DEPDC1B: variants seen among roughly 807,000 people sequenced by gnomAD.
DEPDC1B encodes DEP domain-containing protein 1B.
In DEPDC1B, 51 loss-of-function variants were observed where a neutral mutation model predicts 66.5. The observed-to-expected ratio is 0.77, with a 90% CI of 0.61 to 0.97. The LOEUF is 0.97. Among genes scored for constraint, DEPDC1B ranks in the 50% least tolerant of loss-of-function variants. The probability of loss-of-function intolerance (pLI) is 0.00; values close to 1 mark genes in which losing one functional copy is unlikely to be tolerated. For missense variants in DEPDC1B, 552 were observed against 637.1 expected, an observed-to-expected ratio of 0.87 and a Z score of 1.44; for synonymous variants, 226 against 223.6, an observed-to-expected ratio of 1.01 and a Z score of -0.10.
chr5:60,695,084 TA>T (rs573134243), intron 1 of DEPDC1B, among the ~76,000 whole-genome samples: 107 of 152,350 alleles, frequency 7.0e-4, no homozygotes, highest in African/African-American at 2.5e-3. Context: ...GTATGTTTTT[TA>T]ATATGTAAAC....
At position 60,615,406 on chromosome 5, in the gene DEPDC1B, G is replaced by A. The variant is rs983894265; in HGVS notation, c.899-9550C>T. Among the ~76,000 whole-genome samples, 7 of 152,308 alleles carry A rather than the reference G, an allele frequency of 4.6e-5. 1 individual carries two copies. The highest frequency in any genetic ancestry group is 6.8e-3 in the Middle Eastern group (2 of 294). On this transcript the variant is annotated intron_variant, in intron 7 of 10. Coordinates refer to ENST00000265036, the MANE Select transcript of DEPDC1B (RefSeq NM_018369.3). ...GAATTCCCTTTCCTAGTCAAAGAAA[G>A]GGGTGACAGACGGCACCTGGAAAAT...
intron 2 of DEPDC1B, among the ~76,000 whole-genome samples, chr5:60,649,642 G>A (rs1753396947): frequency 6.6e-6 from 1 of 152,074 alleles, no homozygotes; most frequent in African/African-American, 2.4e-5. Flanking sequence ...CTCAAAAGAG[G>A]AAAGCAACTA....
intron 2 of DEPDC1B, 163 bp from the exon 3 acceptor site, chr5:60,647,696 A>T: frequency 5.2e-6 from 3 of 576,830 alleles, no homozygotes; most frequent in South Asian, 4.1e-5. Context: ...TCTATACCAT[A>T]CCTGATAAAG....
chr5:60,617,399 C>T (rs995883302), intron 7 of DEPDC1B, among the ~76,000 whole-genome samples: 1 of 152,140 alleles, frequency 6.6e-6, no homozygotes, highest in Non-Finnish European at 1.5e-5. Flanking sequence ...ACCCATCTCA[C>T]ATGCAGAGAC....
rs1754739621 is a variant in DEPDC1B at position 60,699,689 on chromosome 5, G to A, written c.48+357C>T. Among the ~76,000 whole-genome samples, 5 of 152,276 alleles carry A rather than the reference G, an allele frequency of 3.3e-5. No homozygotes were observed. The South Asian group carries it at 1.0e-3, about 32-fold the overall frequency. On this transcript the variant is annotated intron_variant, in intron 1 of 10. Coordinates refer to ENST00000265036, the MANE Select transcript of DEPDC1B (RefSeq NM_018369.3). ...ACTGCCGCGAACGCTGAGCGTTACG[G>A]GGTACGTGGTGGCCCCTCAGGTTAC...
chr5:60,643,757 T>C (rs1753244559), intron 5 of DEPDC1B, among the ~76,000 whole-genome samples: 1 of 152,232 alleles, frequency 6.6e-6, no homozygotes, highest in African/African-American at 2.4e-5. Context: ...ATTTTATATG[T>C]TGATATTAAC....
intron 2 of DEPDC1B, among the ~76,000 whole-genome samples, chr5:60,676,152 G>C (rs1024979575): frequency 1.3e-5 from 2 of 151,416 alleles, no homozygotes; most frequent in Non-Finnish European, 2.9e-5. Context: ...GGATGGTCTC[G>C]ATCTCCTGAC....
At chr5:60,688,952 AACTC>A (rs1347936479) in intron 1 of DEPDC1B, 1 of 451,876 alleles carries the variant, frequency 2.2e-6, no homozygotes. Context: ...AGTACATACT[AACTC>A]ACTGTAATAC....
chr5:60,678,862 T>A (rs1355947021), intron 2 of DEPDC1B, among the ~76,000 whole-genome samples: 3 of 152,194 alleles, frequency 2.0e-5, no homozygotes, highest in African/African-American at 7.2e-5. Flanking sequence ...CATCCTCTCA[T>A]CCAATGTCTT....
chr5:60,640,604 A>T (rs1278886505), intron 6 of DEPDC1B, among the ~76,000 whole-genome samples: 2 of 152,200 alleles, frequency 1.3e-5, no homozygotes, highest in Non-Finnish European at 2.9e-5. Flanking sequence ...AGAAAAACAC[A>T]GTTAACTTGG....
chr5:60,623,752 A>C (rs982281343), intron 7 of DEPDC1B, among the ~76,000 whole-genome samples: 1 of 152,158 alleles, frequency 6.6e-6, no homozygotes, highest in Non-Finnish European at 1.5e-5. Context: ...ATCCCTACTT[A>C]TAATTCATCC....
chr5:60,670,529 T>C (rs927671135), intron 2 of DEPDC1B, among the ~76,000 whole-genome samples: 1 of 151,892 alleles, frequency 6.6e-6, no homozygotes, highest in African/African-American at 2.4e-5. Flanking sequence ...AAAATGTATA[T>C]GAAAAAGAAA....
chr5:60,683,791 A>G (rs1429888798), intron 2 of DEPDC1B, among the ~76,000 whole-genome samples: 1 of 152,208 alleles, frequency 6.6e-6, no homozygotes. Context: ...AATAAACGAC[A>G]TATAAATTGG....
chr5:60,599,616 T>G (rs1473917730), intron 9 of DEPDC1B, among the ~76,000 whole-genome samples: 2 of 152,170 alleles, frequency 1.3e-5, no homozygotes, highest in African/African-American at 4.8e-5. Flanking sequence ...TGCTGGAAGG[T>G]TGTCCGTTTA....
intron 7 of DEPDC1B, among the ~76,000 whole-genome samples, chr5:60,615,781 C>A (rs1286916855): frequency 6.6e-6 from 1 of 152,170 alleles, no homozygotes; most frequent in Non-Finnish European, 1.5e-5. Flanking sequence ...GTCTGACAGC[C>A]TTGAAGAGAG....
intron 2 of DEPDC1B, among the ~76,000 whole-genome samples, chr5:60,661,085 C>T (rs968651029): frequency 6.6e-6 from 1 of 152,140 alleles, no homozygotes; most frequent in Non-Finnish European, 1.5e-5. Flanking sequence ...TTACCTACAC[C>T]CTCTCTGAAA....
At chr5:60,662,453 G>T (rs1167197954) in intron 2 of DEPDC1B, among the ~76,000 whole-genome samples, 1 of 151,974 alleles carries the variant, frequency 6.6e-6, no homozygotes, top group Non-Finnish European at 1.5e-5. Context: ...CATTGAACTT[G>T]GCAACCTCGG....
At position 60,597,769 on chromosome 5, in the gene DEPDC1B, C is replaced by G; in HGVS notation, c.1574G>C (p.Arg525Thr). The G allele has an allele frequency of 6.2e-7, 1 of 1,612,714 alleles. No homozygotes were observed. The highest frequency in any genetic ancestry group is 8.5e-7 in the Non-Finnish European group (1 of 1,179,464). The change falls in exon 11 of 11, where the codon AGA becomes ACA. Residue 525 changes from arginine (R) to threonine (T), a missense_variant. Coordinates refer to ENST00000265036, the MANE Select transcript of DEPDC1B (RefSeq NM_018369.3). Reference protein sequence around the residue: ...KKPFQPFQRTRSFRM With the variant: ...KKPFQPFQRTTSFRM ...GAAGTATTATTACATTCGAAAACTT[C>G]TAGTTCTTTGAAATGGTTGGAAAGG... is the stretch of plus-strand genomic sequence containing the variant.
At chr5:60,614,573 A>G (rs879684863) in intron 7 of DEPDC1B, among the ~76,000 whole-genome samples, 1 of 152,112 alleles carries the variant, frequency 6.6e-6, no homozygotes, top group African/African-American at 2.4e-5. Flanking sequence ...TTAATTTATC[A>G]TATGATAGGA....
Sources: allele counts gnomAD v4.1 joint callset (sites outside exome capture counted in the v4.1 genomes callset), GRCh38; gene constraint gnomAD v4.1.1; transcripts MANE v1.5; gene names NCBI Gene and HGNC (gene_info 2026-07-23, HGNC 2026-07-21).